NCAM2: variants seen among roughly 807,000 people sequenced by gnomAD.
NCAM2 encodes the protein neural cell adhesion molecule 2.
Under a neutral mutation model 98.1 loss-of-function variants are expected in NCAM2, and 30 were observed. That is an observed-to-expected ratio of 0.31 (90% CI 0.23 to 0.41). NCAM2 has a LOEUF of 0.41. Ranked by LOEUF, NCAM2 falls within the 10% of genes least tolerant of loss-of-function variation. The probability of loss-of-function intolerance (pLI) is 1.00; values close to 1 mark genes in which losing one functional copy is unlikely to be tolerated. For synonymous variants in NCAM2, 368 were observed against 342.4 expected (o/e 1.07, Z -0.83); for missense variants, 867 against 1,005.8 (o/e 0.86, Z 1.87).
chr21:21,432,078 T>C lies in NCAM2; in HGVS notation c.1481-30T>C, dbSNP rs751040639. On this transcript the variant is annotated intron_variant, in intron 11 of 17. Transcript: ENST00000400546. ...TAATGGCCATTCCCATTCCCTTGGT[T>C]ATGTTTTCTTTATATTTCTTTGTCC... 5 of 1,599,992 alleles carry C rather than the reference T, an allele frequency of 3.1e-6. No individual in the cohort carries two copies. In the East Asian group the frequency reaches 1.1e-4, roughly 36 times the overall value.
At chr21:21,365,627 G>A (rs560718841) in intron 8 of NCAM2, among the ~76,000 whole-genome samples, 8 of 152,052 alleles carry the variant, frequency 5.3e-5, no homozygotes, top group South Asian at 4.1e-4. Context: ...GGTAGTAGGC[G>A]AGAACACTAC....
At chr21:21,041,049 AATT>A (rs1280463487) in intron 1 of NCAM2, among the ~76,000 whole-genome samples, 3 of 152,208 alleles carry the variant, frequency 2.0e-5, no homozygotes, top group Non-Finnish European at 4.4e-5. Flanking sequence ...AAATATGGAC[AATT>A]ATTATGTGCC....
chr21:21,016,437 ATC>A lies in NCAM2; in HGVS notation c.55+17821_55+17822del, dbSNP rs1359554171. On this transcript the variant is annotated intron_variant, in intron 1 of 17. Transcript: ENST00000400546. ...ATTCTCCAAACTTTTGAGATTAATT[ATC>A]TTTTATAAATGAGGTAATGAGATTT... is the stretch of plus-strand genomic sequence containing the variant. 2.3e-4 allele frequency among the ~76,000 whole-genome samples: 33 copies of A among 144,008 alleles called. No homozygotes were observed. The South Asian group carries it at 4.3e-3, about 19-fold the overall frequency. 94.5% of individuals were successfully genotyped at this position (144,008 alleles called of 152,430 possible).
At chr21:21,046,295 G>T (rs1252618977) in intron 1 of NCAM2, among the ~76,000 whole-genome samples, 1 of 152,110 alleles carries the variant, frequency 6.6e-6, no homozygotes, top group Non-Finnish European at 1.5e-5. Context: ...CATGCAAATG[G>T]CAGGGGATTA....
At position 21,479,583 on chromosome 21, in the gene NCAM2, C is replaced by CAAAAA. The variant is rs1156588500; in HGVS notation, c.2077+2133_2077+2137dup. Among the ~76,000 whole-genome samples, 90 of 30,950 alleles carry CAAAAA rather than the reference C, an allele frequency of 2.9e-3. 9 individuals are homozygous for CAAAAA. The highest frequency in any genetic ancestry group is 4.5e-3 in the Non-Finnish European group (67 of 14,876). The allele number at this position is 30,950 out of a possible 152,430, so 20.3% of individuals were successfully genotyped here. On this transcript the variant is annotated intron_variant, in intron 15 of 17. Transcript: ENST00000400546. ...TGGGAGACAGAGCGAGACTGCGTCT[C>CAAAAA]AAAAAAAAAAAAAAAAAAAAAAAAA...
At chr21:21,439,765 G>T (rs749474077) in intron 12 of NCAM2, among the ~76,000 whole-genome samples, 18 of 152,178 alleles carry the variant, frequency 1.2e-4, no homozygotes, top group Non-Finnish European at 1.9e-4. Context: ...TTCTTTAAAT[G>T]ATATGTGTTG....
chr21:21,046,052 C>T (rs569079019), intron 1 of NCAM2, among the ~76,000 whole-genome samples: 2 of 152,144 alleles, frequency 1.3e-5, no homozygotes, highest in Non-Finnish European at 2.9e-5. Flanking sequence ...TAGTAAAAGG[C>T]TTATGATCAT....
chr21:21,213,299 T>C (rs2069735020), intron 1 of NCAM2, among the ~76,000 whole-genome samples: 1 of 152,172 alleles, frequency 6.6e-6, no homozygotes, highest in African/African-American at 2.4e-5. Flanking sequence ...TACTAAGTTT[T>C]AAGGGGGCAA....
At chr21:21,006,086 C>T (rs1450286420) in intron 1 of NCAM2, among the ~76,000 whole-genome samples, 1 of 152,140 alleles carries the variant, frequency 6.6e-6, no homozygotes, top group Non-Finnish European at 1.5e-5. Context: ...ACATTTATAT[C>T]AAAGAGCATT....
rs182589821 is a variant in NCAM2 at position 21,251,670 on chromosome 21, T to A, written c.56-28908T>A. ...TGGGATTACAGGGTCAAGTGGTATT[T>A]CTGGTTCTAGATCTTTGAGGAATCA... On this transcript the variant is annotated intron_variant, in intron 1 of 17. Transcript: ENST00000400546. 2.6e-5 allele frequency among the ~76,000 whole-genome samples: 4 copies of A among 152,190 alleles called. No individual in the cohort carries two copies. In the East Asian group the frequency reaches 7.7e-4, roughly 29 times the overall value.
At chr21:21,012,582 G>A (rs192094656) in intron 1 of NCAM2, among the ~76,000 whole-genome samples, 1 of 152,280 alleles carries the variant, frequency 6.6e-6, no homozygotes. Flanking sequence ...CTTTGTGGAA[G>A]AAACTTGTCT....
chr21:21,120,646 G>A (rs2066652052), intron 1 of NCAM2, among the ~76,000 whole-genome samples: 1 of 152,024 alleles, frequency 6.6e-6, no homozygotes, highest in African/African-American at 2.4e-5. Context: ...TCAACACAGA[G>A]AGGAAGATTA....
At position 21,420,053 on chromosome 21, in the gene NCAM2, T is replaced by C. The variant is rs1349847532; in HGVS notation, c.1480+1484T>C. On this transcript the variant is annotated intron_variant, in intron 11 of 17. Coordinates refer to ENST00000400546, the MANE Select transcript of NCAM2 (RefSeq NM_004540.5). The stretch of plus-strand genomic sequence containing the variant: ...TCCTGACTTTTAAAAAATTAAATTA[T>C]ATTTCAAGTAAAGAGAGAATCCTGA... Among the ~76,000 whole-genome samples the C allele has an allele frequency of 2.6e-5, 4 of 152,196 alleles. No homozygotes were observed. In the East Asian group the frequency reaches 7.7e-4, roughly 29 times the overall value.
Position 21,164,153 on chromosome 21 carries a change from C to A in NCAM2, c.56-116425C>A, listed in dbSNP as rs2067878392. On this transcript the variant is annotated intron_variant, in intron 1 of 17. Transcript: ENST00000400546. Reference sequence around the variant, plus strand: ...TGGCTGCAGTAGCATCCCTGATCATCCTTGGCTGGGCAAACTCAGCCTTAT... The same window carrying A: ...TGGCTGCAGTAGCATCCCTGATCATACTTGGCTGGGCAAACTCAGCCTTAT... Among the ~76,000 whole-genome samples the A allele has an allele frequency of 1.3e-5, 2 of 152,136 alleles. 1 individual carries two copies. Among genetic ancestry groups the A allele is most frequent in the South Asian group, 4.1e-4 (2 of 4,828 alleles).
At chr21:21,269,661 A>G (rs1199415893) in intron 1 of NCAM2, among the ~76,000 whole-genome samples, 1 of 152,202 alleles carries the variant, frequency 6.6e-6, no homozygotes, top group Non-Finnish European at 1.5e-5. Context: ...AAAAGAAATT[A>G]GTATATTCTC....
At chr21:21,210,004 CTT>C (rs1032279738) in intron 1 of NCAM2, among the ~76,000 whole-genome samples, 2 of 152,168 alleles carry the variant, frequency 1.3e-5, no homozygotes, top group African/African-American at 4.8e-5. Context: ...GGCTGGCCGA[CTT>C]TCCATTGTGG....
intron 8 of NCAM2, among the ~76,000 whole-genome samples, chr21:21,366,448 A>G (rs565127995): frequency 9.2e-5 from 14 of 152,214 alleles, no homozygotes; most frequent in African/African-American, 3.4e-4. Context: ...TTTAATTCTC[A>G]CCAGATGTGG....
chr21:21,218,620 A>G (rs1043209879), intron 1 of NCAM2, among the ~76,000 whole-genome samples: 1 of 152,222 alleles, frequency 6.6e-6, no homozygotes, highest in African/African-American at 2.4e-5. Flanking sequence ...TAACTATGGA[A>G]GAAAGGCAGA....
At chr21:21,433,157 A>T (rs2077381342) in intron 12 of NCAM2, among the ~76,000 whole-genome samples, 1 of 152,226 alleles carries the variant, frequency 6.6e-6, no homozygotes, top group South Asian at 2.1e-4. Context: ...CACTGAGCAT[A>T]ACTATGGGTT....
Sources: gnomAD v4.1 joint callset for allele counts (sites outside exome capture counted in the v4.1 genomes callset) on GRCh38, gnomAD v4.1.1 for gene constraint, MANE v1.5 for transcripts, NCBI Gene and HGNC (gene_info 2026-07-23, HGNC 2026-07-21) for gene names.